Variants in STARD9 observed in about 807,000 individuals in gnomAD.
STARD9 encodes stAR-related lipid transfer protein 9.
STARD9 carries 346 observed loss-of-function variants against 399.8 expected under a neutral mutation model. That is an observed-to-expected ratio of 0.87 (90% confidence interval 0.79 to 0.95). The LOEUF is 0.95. Ranked by LOEUF, STARD9 falls within the 40% of genes least tolerant of loss-of-function variation. The probability of loss-of-function intolerance (pLI) is 0.00; values close to 1 mark genes in which losing one functional copy is unlikely to be tolerated. For missense variants in STARD9, 5,832 were observed against 5,667.5 expected, an observed-to-expected ratio of 1.03 and a Z score of -0.93; for synonymous variants, 2,203 against 2,143.5, an observed-to-expected ratio of 1.03 and a Z score of -0.77.
At chr15:42,710,668 TCA>T (rs1163459584) in intron 26 of STARD9, among the ~76,000 whole-genome samples, 2 of 152,202 alleles carry the variant, frequency 1.3e-5, no homozygotes, top group Non-Finnish European at 2.9e-5. Flanking sequence ...AAATTACCAC[TCA>T]CAGAGTGGCT....
intron 7 of STARD9, among the ~76,000 whole-genome samples, chr15:42,639,330 C>T (rs569654611): frequency 5.6e-4 from 86 of 152,242 alleles, no homozygotes; most frequent in African/African-American, 2.0e-3. Flanking sequence ...GGTCTGCAGG[C>T]GCCCAATATG....
In STARD9 at chr15:42,675,862, C is replaced by G. The variant is rs998371886; in HGVS notation, c.1771-10C>G. The G allele has an allele frequency of 1.3e-6, 2 of 1,537,036 alleles. No homozygotes were observed. The highest frequency in any genetic ancestry group is 1.4e-5 in the African/African-American group (1 of 73,016). On this transcript the variant is annotated splice_polypyrimidine_tract_variant and intron_variant, in intron 19 of 32. Coordinates refer to ENST00000290607, the MANE Select transcript of STARD9 (RefSeq NM_020759.3). ...ACAGCAGCCTCACTGTGCTTTCTTC[C>G]TTGTTCAAGGTTGGAGAGGCTGCTG... is the stretch of plus-strand genomic sequence containing the variant.
chr15:42,618,810 G>A (rs1190510798), intron 3 of STARD9, among the ~76,000 whole-genome samples: 2 of 150,538 alleles, frequency 1.3e-5, no homozygotes, highest in African/African-American at 5.0e-5. Context: ...TTGACCTTGT[G>A]ATCCACCTGC....
At chr15:42,716,851 G>C in intron 27 of STARD9, 76 bp from the exon 28 acceptor site, 1 of 1,529,308 alleles carries the variant, frequency 6.5e-7, no homozygotes, top group East Asian at 2.4e-5. Flanking sequence ...TGAGTCACTG[G>C]TCTGTGGGAG....
In STARD9 at chr15:42,692,928, AAG is replaced by A. The variant is rs2060748648; in HGVS notation, c.11357_11358del (p.Glu3786GlyfsTer53). 2 of 1,537,148 alleles carry A rather than the reference AAG, an allele frequency of 1.3e-6. No homozygotes were observed. Among genetic ancestry groups the A allele is most frequent in the Non-Finnish European group, 1.7e-6 (2 of 1,146,916 alleles). On this transcript the variant is annotated frameshift_variant, in exon 23 of 33. Coordinates refer to ENST00000290607, the MANE Select transcript of STARD9 (RefSeq NM_020759.3). LOFTEE classifies it high-confidence loss of function. ...GGGAGATGTGCCAGGGGTACCTCAG[AAG>A]AGAGAGGCAGAGGAAACAGCACAGA... ...EEGDVPGVPQKREAEETAQKM... is the reference protein window; with the variant it reads ...EEGDVPGVPQXREAEETAQKM...
intron 13 of STARD9, among the ~76,000 whole-genome samples, chr15:42,664,212 T>G (rs2060045824): frequency 6.6e-6 from 1 of 152,212 alleles, no homozygotes; most frequent in Non-Finnish European, 1.5e-5. Context: ...ATTTTTTATT[T>G]TATTATTTTA....
intron 3 of STARD9, among the ~76,000 whole-genome samples, chr15:42,603,698 T>G (rs1411203903): frequency 6.6e-6 from 1 of 151,974 alleles, no homozygotes; most frequent in African/African-American, 2.4e-5. Flanking sequence ...ATTGATTGGT[T>G]GGGTCTGGGA....
In STARD9 at chr15:42,665,910, G is replaced by A. The variant is rs115549874; in HGVS notation, c.1317+62G>A. The A allele has an allele frequency of 1.8e-3, 2,566 of 1,398,036 alleles. 45 individuals carry two copies. The African/African-American group carries it at 0.032, about 17-fold the overall frequency. The allele number at this position is 1,398,036 out of a possible 1,614,324, so 86.6% of individuals were successfully genotyped here. A position where few individuals can be genotyped will look rare whatever the true frequency, so the allele number is the denominator to read the frequency against. On this transcript the variant is annotated intron_variant, in intron 15 of 32. Coordinates refer to ENST00000290607, the MANE Select transcript of STARD9 (RefSeq NM_020759.3). ...CACCTGGGAGCTCCTCCATTATTCC[G>A]GAGCTAGGTAGGGTTGCTCCCTTGG...
chr15:42,691,649 A>G lies in STARD9; in HGVS notation c.10071A>G (p.Arg3357=), dbSNP rs778227560. Residue 3357 remains arginine, a synonymous_variant, in exon 23 of 33, where the codon AGA becomes AGG. Coordinates refer to ENST00000290607, the MANE Select transcript of STARD9 (RefSeq NM_020759.3). The stretch of plus-strand genomic sequence containing the variant: ...ACGAAGATACACAGGGGCCTAACAG[A>G]TTGTGGAACCCACATCTCAGGGGCT... ...PTDEDTQGPN[R]LWNPHLRGYS... is the part of the protein sequence containing the mutation. 30 of 1,537,268 alleles carry G rather than the reference A, an allele frequency of 2.0e-5. No individual in the cohort carries two copies. The South Asian group carries it at 2.1e-4, about 11-fold the overall frequency.
intron 3 of STARD9, among the ~76,000 whole-genome samples, chr15:42,597,678 G>A (rs1169553737): frequency 6.6e-6 from 1 of 152,114 alleles, no homozygotes. Flanking sequence ...TGGGACTACA[G>A]GCACCTGCCA....
intron 7 of STARD9, among the ~76,000 whole-genome samples, chr15:42,645,832 G>A (rs1186181235): frequency 2.6e-5 from 4 of 151,898 alleles, no homozygotes; most frequent in Admixed American, 6.6e-5. Context: ...GTGAGTCACC[G>A]CGCCCAGCCT....
At position 42,691,069 on chromosome 15, in the gene STARD9, T is replaced by G. The variant is rs140526485; in HGVS notation, c.9491T>G (p.Leu3164Ter). The G allele has an allele frequency of 6.5e-7, 1 of 1,537,242 alleles. No individual in the cohort carries two copies. Among genetic ancestry groups the G allele is most frequent in the Non-Finnish European group, 8.7e-7 (1 of 1,146,904 alleles). Residue 3164 changes from leucine to a stop codon, truncating the protein, a stop_gained, in exon 23 of 33, where the codon TTA (leucine) becomes TGA (stop). Transcript: ENST00000290607. LOFTEE classifies it high-confidence loss of function. ...GTGGTAGAGCCACAGCATGAATGTTTAGAAAATACCACTAGATGTTTTTTG... is the reference window on the plus strand; with the variant it reads ...GTGGTAGAGCCACAGCATGAATGTTGAGAAAATACCACTAGATGTTTTTTG... The part of the protein sequence containing the change: ...KLVVEPQHEC[L>*]ENTTRCFLEK...
At chr15:42,699,392 C>CTTTTTTT (rs34614271) in intron 26 of STARD9, among the ~76,000 whole-genome samples, 27 of 113,276 alleles carry the variant, frequency 2.4e-4, no homozygotes, top group Non-Finnish European at 3.1e-4. Context: ...TTTTTCTTTT[C>CTTTTTTT]TTTTTTTTTT....
intron 3 of STARD9, among the ~76,000 whole-genome samples, chr15:42,588,776 GTTTTTT>G (rs758570571): frequency 1.0e-4 from 4 of 38,414 alleles, no homozygotes; most frequent in Admixed American, 4.3e-4. Context: ...TCTTCACAGC[GTTTTTT>G]TTTTTTTTTT....
At position 42,718,884 on chromosome 15, in the gene STARD9, G is replaced by A; in HGVS notation, c.13975G>A (p.Val4659Ile). 2 of 1,537,246 alleles carry A rather than the reference G, an allele frequency of 1.3e-6. No individual in the cohort carries two copies. Among genetic ancestry groups the A allele is most frequent in the Non-Finnish European group, 8.7e-7 (1 of 1,146,890 alleles). Reference protein sequence around the residue: ...LQPITVEGKEVTRVIYLAQVE... With the variant: ...LQPITVEGKEITRVIYLAQVE... ...GCCCATCACTGTGGAAGGGAAGGAAGTCACCAGAGTCATCTACTTGGCCCA... is the reference window on the plus strand; with the variant it reads ...GCCCATCACTGTGGAAGGGAAGGAAATCACCAGAGTCATCTACTTGGCCCA... The change falls in exon 32 of 33, where the codon GTC becomes ATC. Residue 4659 changes from valine to isoleucine, a missense_variant. This residue lies in a region of STARD9 where 5,828 missense variants were observed against 5,651.1 expected (regional missense o/e 1.03). Transcript: ENST00000290607.
chr15:42,682,569 T>G lies in STARD9; in HGVS notation c.2531T>G (p.Leu844Arg), dbSNP rs1234210714. 1.3e-6 allele frequency: 2 copies of G among 1,534,680 alleles called. No individual in the cohort carries two copies. Residue 844 changes from leucine (L) to arginine (R), a missense_variant, in exon 22 of 33, where the codon CTA (leucine) becomes CGA (arginine). Physicochemically the swap from Leu to Arg is moderately radical, Grantham distance 102. This residue lies in a region of STARD9 where 5,828 missense variants were observed against 5,651.1 expected (regional missense o/e 1.03). Coordinates refer to ENST00000290607, the MANE Select transcript of STARD9 (RefSeq NM_020759.3). The part of the protein sequence containing the change: ...QRLCSKHMPQ[L>R]HSIFLSWDPS... ...CTCTGCAGCAAGCACATGCCCCAGC[T>G]ACACAGGTACAGCCAGTAGTTGTCA...
intron 26 of STARD9, among the ~76,000 whole-genome samples, chr15:42,700,157 T>C (rs1403992755): frequency 6.6e-6 from 1 of 152,232 alleles, no homozygotes; most frequent in Non-Finnish European, 1.5e-5. Context: ...TGTGTATATA[T>C]GCCACATTTT....
intron 3 of STARD9, among the ~76,000 whole-genome samples, chr15:42,608,201 G>A (rs934784304): frequency 6.6e-6 from 1 of 152,140 alleles, no homozygotes; most frequent in Non-Finnish European, 1.5e-5. Context: ...TAGAGATCTT[G>A]TGACTCTGGC....
Position 42,665,309 on chromosome 15 carries a change from C to T in STARD9, c.1233C>T (p.Ala411=). The T allele has an allele frequency of 6.5e-7, 1 of 1,537,054 alleles. No homozygotes were observed. Among genetic ancestry groups the T allele is most frequent in the South Asian group, 1.2e-5 (1 of 84,056 alleles). The change falls in exon 14 of 33, where the codon GCC becomes GCT. Residue 411 remains alanine, a synonymous_variant. Coordinates refer to ENST00000290607, the MANE Select transcript of STARD9 (RefSeq NM_020759.3). ...GAGAAGAGATTGAAAGACTGAAAGC[C>T]CTGCTGCTGAGCTTTGAACTGGTAT... is the stretch of plus-strand genomic sequence containing the variant. ...ELREEIERLK[A]LLLSFELRNF...
Sources: gnomAD v4.1 joint callset for allele counts (sites outside exome capture counted in the v4.1 genomes callset) on GRCh38, gnomAD v4.1.1 for gene constraint, gnomAD v4.1.1 regional missense constraint, MANE v1.5 for transcripts, NCBI Gene and HGNC (gene_info 2026-07-23, HGNC 2026-07-21) for gene names.